Variants in PROX1 observed in about 807,000 individuals in gnomAD.
The protein encoded by PROX1 is prospero homeobox 1, also known as prospero homeobox protein 1.
In PROX1, 7 loss-of-function variants were observed where a neutral mutation model predicts 58.8. The observed-to-expected ratio is 0.12, with a 90% CI of 0.07 to 0.22. The LOEUF is 0.22. Among genes scored for constraint, PROX1 ranks in the 10% least tolerant of loss-of-function variants. PROX1 has a pLI of 1.00. For missense variants in PROX1, 675 were observed against 927.8 expected (o/e 0.73, Z 3.54); for synonymous variants, 350 against 358.3 (o/e 0.98, Z 0.26).
At position 213,996,797 on chromosome 1, in the gene PROX1, C is replaced by G; in HGVS notation, c.262C>G (p.Pro88Ala). Residue 88 changes from proline (P) to alanine (A), a missense_variant, in exon 2 of 5, where the codon CCA (proline) becomes GCA (alanine). Physicochemically the swap from Pro to Ala is conservative, Grantham distance 27 (BLOSUM62 -1). Coordinates refer to ENST00000366958, the MANE Select transcript of PROX1 (RefSeq NM_001270616.2). The part of the protein sequence containing the change: ...NSYEDAMMPF[P>A]GATIISQLLK... ...GTATGAAGATGCCATGATGCCTTTT[C>G]CAGGAGCAACCATAATTTCCCAGCT... 1 of 1,614,142 alleles carries G rather than the reference C, an allele frequency of 6.2e-7. No homozygotes were observed. The highest frequency in any genetic ancestry group is 8.5e-7 in the Non-Finnish European group (1 of 1,180,038).
chr1:213,986,471 T>C (rs1662828244), upstream of PROX1: 1 of 152,106 alleles, frequency 6.6e-6, no homozygotes, highest in African/African-American at 2.4e-5. Context: ...TACGGTTTGG[T>C]GAATTTGAGG....
upstream of PROX1, chr1:213,985,918 C>T (rs1338285981): frequency 2.0e-5 from 3 of 152,068 alleles, no homozygotes; most frequent in Non-Finnish European, 4.4e-5. Flanking sequence ...GTATATAGCC[C>T]TTACTCCTAC....
rs1663356762 is a variant in PROX1, at chr1:213,998,191, G to C, written c.1656G>C (p.Leu552Phe). ...HPPSTAEGLS[L>F]SLIKSECGDL... ...CCAGCACCGCCGAAGGGCTCTCCTT[G>C]TCGCTCATAAAGTCCGAGTGCGGCG... is the stretch of plus-strand genomic sequence containing the variant. The change falls in exon 2 of 5, where the codon TTG becomes TTC. Residue 552 changes from leucine to phenylalanine, a missense_variant. Transcript: ENST00000366958. 2 of 1,612,430 alleles carry C rather than the reference G, an allele frequency of 1.2e-6. No individual in the cohort carries two copies. The highest frequency in any genetic ancestry group is 2.7e-5 in the African/African-American group (2 of 74,964).
In PROX1 at chr1:214,038,073, C is replaced by A. The variant is rs1318262515; in HGVS notation, c.*2239C>A. The stretch of plus-strand genomic sequence containing the variant: ...GGGCGAGTTCAATATTGATTCCAGA[C>A]TTATTTGGATTTTTTTAGTATTATT... On this transcript the variant is annotated 3_prime_UTR_variant, in exon 5 of 5. Transcript: ENST00000366958. The A allele has an allele frequency of 2.0e-5, 3 of 152,172 alleles. No homozygotes were observed. Among genetic ancestry groups the A allele is most frequent in the African/African-American group, 7.2e-5 (3 of 41,446 alleles). The allele number at this position is 152,172 out of a possible 1,614,324, so 9.4% of individuals were successfully genotyped here. A position where few individuals can be genotyped will look rare whatever the true frequency, so the allele number is the denominator to read the frequency against.
At chr1:214,000,277 A>G (rs1366059951) in intron 2 of PROX1, among the ~76,000 whole-genome samples, 1 of 152,202 alleles carries the variant, frequency 6.6e-6, no homozygotes, top group African/African-American at 2.4e-5. Context: ...TAGGAAAAAA[A>G]TCTTTTAGAT....
rs1664340754 is a variant in PROX1 at position 214,023,183 on chromosome 1, G to T, written c.2028+11468G>T. Among the ~76,000 whole-genome samples the T allele has an allele frequency of 2.6e-5, 4 of 152,146 alleles. No individual in the cohort carries two copies. In the South Asian group the frequency reaches 8.3e-4, roughly 32 times the overall value. ...TTTATTTGTTGCCTTGGCCAGGGTG[G>T]CCAAACAATGAGGAAATTTGTCAGT... On this transcript the variant is annotated intron_variant, in intron 4 of 4. Transcript: ENST00000366958.
chr1:214,001,424 A>G (rs902491211), intron 2 of PROX1, among the ~76,000 whole-genome samples: 2 of 152,194 alleles, frequency 1.3e-5, no homozygotes, highest in African/African-American at 4.8e-5. Flanking sequence ...GCTTTTCTTC[A>G]TGATGTTCCT....
rs1395475638 is a variant in PROX1, at chr1:214,036,641, CTTG to C, written c.*810_*812del. ...TTCTTCATAAAGAAAAATCCTATAA[CTTG>C]TTATCATTTTTGCTTCAGATACTAA... On this transcript the variant is annotated 3_prime_UTR_variant, in exon 5 of 5. Transcript: ENST00000366958. 2 of 152,186 alleles carry C rather than the reference CTTG, an allele frequency of 1.3e-5. No individual in the cohort carries two copies. Among genetic ancestry groups the C allele is most frequent in the Admixed American group, 1.3e-4 (2 of 15,272 alleles). 9.4% of individuals were successfully genotyped at this position (152,186 alleles called of 1,614,324 possible). A position where few individuals can be genotyped will look rare whatever the true frequency, so the allele number is the denominator to read the frequency against.
At position 213,988,260 on chromosome 1, in the gene PROX1, C is replaced by G. The variant is rs1662880976; in HGVS notation, c.-291C>G. 1 of 152,596 alleles carries G rather than the reference C, an allele frequency of 6.6e-6. No homozygotes were observed. The highest frequency in any genetic ancestry group is 1.5e-5 in the Non-Finnish European group (1 of 68,542). 9.5% of individuals were successfully genotyped at this position (152,596 alleles called of 1,614,324 possible). ...TCTCGTCTCCCCTCCCCTCCCGCCT[C>G]TCTCTCCCCTCTCCCTCTCCCACTC... On this transcript the variant is annotated 5_prime_UTR_variant, in exon 1 of 5. Coordinates refer to ENST00000366958, the MANE Select transcript of PROX1 (RefSeq NM_001270616.2).
In PROX1 at chr1:214,039,657, C is replaced by G. The variant is rs979661075; in HGVS notation, c.*3823C>G. On this transcript the variant is annotated 3_prime_UTR_variant, in exon 5 of 5. Transcript: ENST00000366958. ...AGCATTCTTGAAAATCCTGCTCTCTCCTTTTAAAAGTTAACAATCTCTTTT... is the reference window on the plus strand; with the variant it reads ...AGCATTCTTGAAAATCCTGCTCTCTGCTTTTAAAAGTTAACAATCTCTTTT... 1 of 152,180 alleles carries G rather than the reference C, an allele frequency of 6.6e-6. No homozygotes were observed. Among genetic ancestry groups the G allele is most frequent in the Non-Finnish European group, 1.5e-5 (1 of 68,030 alleles). The allele number at this position is 152,180 out of a possible 1,614,324, so 9.4% of individuals were successfully genotyped here.
chr1:213,997,615 G>A lies in PROX1; in HGVS notation c.1080G>A (p.Met360Ile), dbSNP rs935335562. Residue 360 changes from methionine (M) to isoleucine (I), a missense_variant, in exon 2 of 5, where the codon ATG (methionine) becomes ATA (isoleucine). Physicochemically the swap from Met to Ile is conservative, Grantham distance 10 (BLOSUM62 1). This residue lies in a region of PROX1 where 403 missense variants were observed against 477.4 expected (regional missense o/e 0.84). Transcript: ENST00000366958. This position sits in a 1 kb window ranked among gnomAD's most constrained non-coding sequence, Gnocchi z 7.1. ...ETLKQELNTAMSQVVDTVVKV... is the reference protein window; with the variant it reads ...ETLKQELNTAISQVVDTVVKV... ...TGAAACAGGAACTGAACACTGCCATGTCGCAAGTTGTGGACACTGTGGTCA... is the reference window on the plus strand; with the variant it reads ...TGAAACAGGAACTGAACACTGCCATATCGCAAGTTGTGGACACTGTGGTCA... 5 of 1,614,078 alleles carry A rather than the reference G, an allele frequency of 3.1e-6. No homozygotes were observed. The African/African-American group carries it at 5.3e-5, about 17-fold the overall frequency.
At position 214,013,458 on chromosome 1, in the gene PROX1, T is replaced by A. The variant is rs1663986868; in HGVS notation, c.2028+1743T>A. Among the ~76,000 whole-genome samples, 3 of 152,208 alleles carry A rather than the reference T, an allele frequency of 2.0e-5. No homozygotes were observed. In the South Asian group the frequency reaches 6.2e-4, roughly 31 times the overall value. On this transcript the variant is annotated intron_variant, in intron 4 of 4. Coordinates refer to ENST00000366958, the MANE Select transcript of PROX1 (RefSeq NM_001270616.2). ...ATTACATGATGACATAAGTATCTGTTTGGCAGCATACATCAAGCTTCATGA... is the reference window on the plus strand; with the variant it reads ...ATTACATGATGACATAAGTATCTGTATGGCAGCATACATCAAGCTTCATGA...
In PROX1 at chr1:214,035,917, T is replaced by C; in HGVS notation, c.*83T>C. 1 of 1,275,492 alleles carries C rather than the reference T, an allele frequency of 7.8e-7. No individual in the cohort carries two copies. Among genetic ancestry groups the C allele is most frequent in the South Asian group, 1.6e-5 (1 of 61,740 alleles). The allele number at this position is 1,275,492 out of a possible 1,614,324, so 79.0% of individuals were successfully genotyped here. A position where few individuals can be genotyped will look rare whatever the true frequency, so the allele number is the denominator to read the frequency against. On this transcript the variant is annotated 3_prime_UTR_variant, in exon 5 of 5. Transcript: ENST00000366958. The stretch of plus-strand genomic sequence containing the variant: ...AGTTATATGTGTCTAGATTTTGATT[T>C]CATATATATGTGTATGGGAGGCATG...
intron 2 of PROX1, among the ~76,000 whole-genome samples, chr1:214,000,561 C>T (rs373697375): frequency 1.3e-5 from 2 of 152,168 alleles, no homozygotes; most frequent in African/African-American, 2.4e-5. Context: ...TAAATAATGT[C>T]GGCCTCTCGT....
intron 2 of PROX1, among the ~76,000 whole-genome samples, chr1:214,002,680 T>C (rs1571811451): frequency 6.6e-6 from 1 of 152,276 alleles, no homozygotes; most frequent in East Asian, 1.9e-4. Context: ...CAGCTGTATG[T>C]TTACTGAATC....
chr1:214,035,789 G>T lies in PROX1; in HGVS notation c.2169G>T (p.Glu723Asp). The change falls in exon 5 of 5, where the codon GAG becomes GAT. Residue 723 changes from glutamate (E) to aspartate (D), a missense_variant. This residue lies in a region of PROX1 where 16 missense variants were observed against 21.0 expected (regional missense o/e 0.76). Coordinates refer to ENST00000366958, the MANE Select transcript of PROX1 (RefSeq NM_001270616.2). ...VICKLDSEVP[E>D]IFKSPNCLQE... ...GCAAGCTGGATAGTGAAGTCCCTGA[G>T]ATTTTCAAATCCCCGAACTGCCTAC... The T allele has an allele frequency of 6.2e-7, 1 of 1,613,880 alleles. No individual in the cohort carries two copies. Among genetic ancestry groups the T allele is most frequent in the Non-Finnish European group, 8.5e-7 (1 of 1,179,880 alleles).
At chr1:213,984,673 C>A (rs1662780032), upstream of PROX1, 1 of 152,948 alleles carries the variant, frequency 6.5e-6, no homozygotes, top group Non-Finnish European at 1.5e-5. Context: ...GGCAGGCCTG[C>A]ACCCTGGGGT....
rs1664913612 is a variant in PROX1 at position 214,038,800 on chromosome 1, T to A, written c.*2966T>A. The A allele has an allele frequency of 6.6e-6, 1 of 152,208 alleles. No individual in the cohort carries two copies. Among genetic ancestry groups the A allele is most frequent in the Admixed American group, 6.5e-5 (1 of 15,284 alleles). 9.4% of individuals were successfully genotyped at this position (152,208 alleles called of 1,614,324 possible). A position where few individuals can be genotyped will look rare whatever the true frequency, so the allele number is the denominator to read the frequency against. ...AGATTTTTTTTCTGGCTGTTTGACA[T>A]AACGTTGATAGCTATGCATATTTTG... On this transcript the variant is annotated 3_prime_UTR_variant, in exon 5 of 5. Transcript: ENST00000366958.
At chr1:213,983,995 C>T (rs1164956168), upstream of PROX1, 1 of 152,222 alleles carries the variant, frequency 6.6e-6, no homozygotes, top group Non-Finnish European at 1.5e-5. Flanking sequence ...TAAGTAGCAG[C>T]CCTCCATGTG....
Sources: allele counts gnomAD v4.1 joint callset (sites outside exome capture counted in the v4.1 genomes callset), GRCh38; gene constraint gnomAD v4.1.1; regional missense constraint gnomAD v4.1.1; non-coding constraint Gnocchi (gnomAD v3.1); transcripts MANE v1.5; gene names NCBI Gene and HGNC (gene_info 2026-07-23, HGNC 2026-07-21).